The following CSMD1 variants were observed in gnomAD, a reference collection of about 807,000 sequenced individuals.
CSMD1 encodes CUB and sushi domain-containing protein 1.
In CSMD1, 213 loss-of-function variants were observed where a neutral mutation model predicts 417.5. The ratio of observed to expected loss-of-function variants is 0.51; its 90% CI spans 0.46 to 0.57. The LOEUF (loss-of-function observed/expected upper bound fraction) is 0.57, where lower values mean the gene tolerates loss of function less well. Among genes scored for constraint, CSMD1 ranks in the 20% least tolerant of loss-of-function variants. The pLI is 0.00. For missense variants in CSMD1, 6,923 were observed against 4,529.7 expected, an observed-to-expected ratio of 1.53 and a Z score of -15.17; for synonymous variants, 2,862 against 1,736.8, an observed-to-expected ratio of 1.65 and a Z score of -16.11.
At chr8:3,709,430 T>C (rs1456846809) in intron 6 of CSMD1, among the ~76,000 whole-genome samples, 1 of 152,022 alleles carries the variant, frequency 6.6e-6, no homozygotes, top group Non-Finnish European at 1.5e-5. Context: ...TGAGGGTTAG[T>C]TTTATGTGTG....
At chr8:3,561,676 C>T (rs1043320710) in intron 10 of CSMD1, among the ~76,000 whole-genome samples, 1 of 152,120 alleles carries the variant, frequency 6.6e-6, no homozygotes, top group Non-Finnish European at 1.5e-5. Flanking sequence ...GGGTACCATG[C>T]TGATATTCAG....
At chr8:4,509,550 A>G (rs537323907) in intron 2 of CSMD1, among the ~76,000 whole-genome samples, 3 of 152,286 alleles carry the variant, frequency 2.0e-5, no homozygotes, top group African/African-American at 7.2e-5. Flanking sequence ...TGGAAATGGA[A>G]AGGATGCTGG....
chr8:4,278,179 C>T (rs1238391025), intron 3 of CSMD1, among the ~76,000 whole-genome samples: 1 of 152,166 alleles, frequency 6.6e-6, no homozygotes, highest in African/African-American at 2.4e-5. Context: ...ACTACATTCA[C>T]AATTTATATA....
chr8:4,570,752 G>A (rs949575165), intron 2 of CSMD1, among the ~76,000 whole-genome samples: 1 of 152,078 alleles, frequency 6.6e-6, no homozygotes. Context: ...TGTAGAATTC[G>A]GCTGTGAATC....
At position 3,549,391 on chromosome 8, in the gene CSMD1, C is replaced by A. The variant is rs1285348617; in HGVS notation, c.1344+25554G>T. On this transcript the variant is annotated intron_variant, in intron 10 of 69. Coordinates refer to ENST00000635120, the MANE Select transcript of CSMD1 (RefSeq NM_033225.6). ...AGACAGATCTAGGCCTTATTCTACT[C>A]TGGCCTGATGATGGGAGGCTATGCT... Among the ~76,000 whole-genome samples the A allele has an allele frequency of 2.0e-5, 3 of 152,174 alleles. No individual in the cohort carries two copies. In the East Asian group the frequency reaches 5.8e-4, roughly 29 times the overall value.
At chr8:4,001,092 T>G (rs546114030) in intron 4 of CSMD1, among the ~76,000 whole-genome samples, 1 of 152,202 alleles carries the variant, frequency 6.6e-6, no homozygotes, top group African/African-American at 2.4e-5. Context: ...TTATGAATTT[T>G]TGTCATGGCA....
At chr8:4,281,329 G>A (rs1430632523) in intron 3 of CSMD1, among the ~76,000 whole-genome samples, 1 of 152,202 alleles carries the variant, frequency 6.6e-6, no homozygotes, top group African/African-American at 2.4e-5. Flanking sequence ...AGAACAGGTG[G>A]TCCCAGGCCC....
chr8:3,090,390 C>A (rs957986399), intron 48 of CSMD1, among the ~76,000 whole-genome samples: 1 of 149,182 alleles, frequency 6.7e-6, no homozygotes, highest in African/African-American at 2.5e-5. Flanking sequence ...GAATGCAAAT[C>A]CCATCATTGC....
intron 4 of CSMD1, among the ~76,000 whole-genome samples, chr8:4,013,878 A>G (rs996814169): frequency 7.9e-5 from 12 of 152,322 alleles, no homozygotes; most frequent in African/African-American, 2.9e-4. Context: ...CAGAGATCAT[A>G]TGACATGAAA....
intron 7 of CSMD1, among the ~76,000 whole-genome samples, chr8:3,681,595 G>A (rs550270853): frequency 8.5e-4 from 129 of 152,198 alleles, no homozygotes; most frequent in Middle Eastern, 3.4e-3. Context: ...AGTAAATATC[G>A]TCAAAATGGC....
rs1025076622 is a variant in CSMD1, at chr8:3,813,757, C to G, written c.819-59715G>C. On this transcript the variant is annotated intron_variant, in intron 5 of 69. Transcript: ENST00000635120. ...GTCCATTTCTGGAGGTATGAGGGAT[C>G]AAGAAGCAACAGAAAATGATCTCAC... 3.3e-5 allele frequency among the ~76,000 whole-genome samples: 5 copies of G among 152,162 alleles called. No individual in the cohort carries two copies. The South Asian group carries it at 8.3e-4, about 25-fold the overall frequency.
intron 49 of CSMD1, among the ~76,000 whole-genome samples, chr8:3,075,740 C>G (rs949433183): frequency 1.3e-5 from 2 of 151,802 alleles, no homozygotes; most frequent in Non-Finnish European, 2.9e-5. Flanking sequence ...TCTGCAGACA[C>G]ATTAAGTAAG....
intron 11 of CSMD1, among the ~76,000 whole-genome samples, chr8:3,482,978 A>ATTTTCCTCTTGG (rs1439819602): frequency 1.3e-5 from 2 of 152,160 alleles, no homozygotes; most frequent in Non-Finnish European, 2.9e-5. Context: ...AGCAGATAAA[A>ATTTTCCTCTTGG]CAGTGCCAAG....
At position 3,776,807 on chromosome 8, in the gene CSMD1, G is replaced by GATATATATATAT. The variant is rs151060171; in HGVS notation, c.819-22777_819-22766dup. Among the ~76,000 whole-genome samples the GATATATATATAT allele has an allele frequency of 6.1e-4, 86 of 139,982 alleles. 3 individuals are homozygous for GATATATATATAT. The highest frequency in any genetic ancestry group is 1.2e-3 in the African/African-American group (41 of 35,098). 91.8% of individuals were successfully genotyped at this position (139,982 alleles called of 152,430 possible). ...GTGATAGATAGTGACATATAGACGAGATATATATATATATATACAGATGAC... is the reference window on the plus strand; with the variant it reads ...GTGATAGATAGTGACATATAGACGAGATATATATATATATATATATATATATATACAGATGAC... On this transcript the variant is annotated intron_variant, in intron 5 of 69. Coordinates refer to ENST00000635120, the MANE Select transcript of CSMD1 (RefSeq NM_033225.6).
chr8:3,791,715 C>G (rs1291096782), intron 5 of CSMD1, among the ~76,000 whole-genome samples: 1 of 152,052 alleles, frequency 6.6e-6, no homozygotes, highest in African/African-American at 2.4e-5. Flanking sequence ...CCCAGCAACT[C>G]AGGAGGCTGA....
intron 3 of CSMD1, among the ~76,000 whole-genome samples, chr8:4,188,918 T>G (rs1377513305): frequency 1.3e-5 from 2 of 152,156 alleles, no homozygotes; most frequent in African/African-American, 4.8e-5. Flanking sequence ...GCATAGCTGC[T>G]GGGTTTCTCC....
At chr8:4,873,008 A>G (rs776805680) in intron 1 of CSMD1, among the ~76,000 whole-genome samples, 14 of 152,110 alleles carry the variant, frequency 9.2e-5, no homozygotes, top group Non-Finnish European at 1.9e-4. Context: ...ATGCTTTGAT[A>G]TATGCAAGCA....
At chr8:4,049,134 C>G (rs908673257) in intron 3 of CSMD1, among the ~76,000 whole-genome samples, 2 of 152,016 alleles carry the variant, frequency 1.3e-5, no homozygotes, top group African/African-American at 2.4e-5. Flanking sequence ...TACAGCTATT[C>G]TTTCTTATTC....
At chr8:3,506,447 C>G (rs1796831848) in intron 10 of CSMD1, among the ~76,000 whole-genome samples, 1 of 152,192 alleles carries the variant, frequency 6.6e-6, no homozygotes, top group South Asian at 2.1e-4. Context: ...TACTCACATT[C>G]TCACCACTGG....
Sources: allele counts gnomAD v4.1 joint callset (sites outside exome capture counted in the v4.1 genomes callset), GRCh38; gene constraint gnomAD v4.1.1; transcripts MANE v1.5; gene names NCBI Gene and HGNC (gene_info 2026-07-23, HGNC 2026-07-21).